CNBD1: variants seen among roughly 807,000 people sequenced by gnomAD.
CNBD1 encodes cyclic nucleotide-binding domain-containing protein 1.
In CNBD1, 71 loss-of-function variants were observed where a neutral mutation model predicts 54.4. The observed-to-expected ratio is 1.30, with a 90% CI of 1.08 to 1.59. The LOEUF is 1.59. Among genes scored for constraint, CNBD1 ranks in the 40% most tolerant of loss-of-function variants. The pLI, the probability that CNBD1 is intolerant of heterozygous loss-of-function variation, is 0.00. For synonymous variants in CNBD1, 182 were observed against 170.7 expected, an observed-to-expected ratio of 1.07 and a Z score of -0.51; for missense variants, 659 against 518.0, an observed-to-expected ratio of 1.27 and a Z score of -2.64.
At chr8:87,252,552 G>A (rs1262941068) in intron 6 of CNBD1, among the ~76,000 whole-genome samples, 3 of 152,132 alleles carry the variant, frequency 2.0e-5, no homozygotes, top group Non-Finnish European at 4.4e-5. Context: ...CCTTAAGGAA[G>A]CACTTGAGCT....
intron 10 of CNBD1, among the ~76,000 whole-genome samples, chr8:87,370,561 T>G (rs964896685): frequency 2.0e-5 from 3 of 152,272 alleles, no homozygotes; most frequent in Admixed American, 6.5e-5. Flanking sequence ...TTTGCCCACT[T>G]TTTGATGGGG....
chr8:86,871,684 A>G (rs984779476), intron 1 of CNBD1, among the ~76,000 whole-genome samples: 2 of 152,218 alleles, frequency 1.3e-5, no homozygotes, highest in Non-Finnish European at 2.9e-5. Flanking sequence ...TTCAAAGGTT[A>G]AACATTCAGA....
At chr8:87,290,445 A>T (rs574421828) in intron 8 of CNBD1, among the ~76,000 whole-genome samples, 1 of 152,206 alleles carries the variant, frequency 6.6e-6, no homozygotes, top group Admixed American at 6.6e-5. Flanking sequence ...TTATAGATCC[A>T]ACAACATTAT....
At chr8:87,400,643 C>A (rs568238203) in intron 2 of CNBD1, among the ~76,000 whole-genome samples, 2 of 151,950 alleles carry the variant, frequency 1.3e-5, no homozygotes, top group South Asian at 4.2e-4. Context: ...AAATTGACTA[C>A]AAGATTGATA....
chr8:86,990,328 T>C (rs1364181636), intron 4 of CNBD1, among the ~76,000 whole-genome samples: 4 of 152,220 alleles, frequency 2.6e-5, no homozygotes, highest in African/African-American at 7.2e-5. Flanking sequence ...CCATGGTTTA[T>C]GTTCTTAGAT....
At chr8:87,321,301 T>C (rs897338328) in intron 8 of CNBD1, among the ~76,000 whole-genome samples, 5 of 152,220 alleles carry the variant, frequency 3.3e-5, no homozygotes, top group Non-Finnish European at 2.9e-5. Flanking sequence ...ACCAACAGTA[T>C]GCACGAGTTT....
intron 4 of CNBD1, among the ~76,000 whole-genome samples, chr8:87,060,487 T>G (rs1376738329): frequency 6.6e-6 from 1 of 152,208 alleles, no homozygotes; most frequent in Non-Finnish European, 1.5e-5. Flanking sequence ...ACAAATTACA[T>G]TTAAGTATCC....
intron 2 of CNBD1, among the ~76,000 whole-genome samples, chr8:87,387,884 A>G (rs1272195213): frequency 6.6e-6 from 1 of 152,240 alleles, no homozygotes; most frequent in Non-Finnish European, 1.5e-5. Context: ...AGTGTAGAAA[A>G]TAGAAATTAT....
intron 10 of CNBD1, among the ~76,000 whole-genome samples, chr8:87,355,412 C>G (rs978886217): frequency 1.3e-5 from 2 of 152,004 alleles, no homozygotes; most frequent in Non-Finnish European, 2.9e-5. Context: ...TAAGATCAAG[C>G]ATATATGAAA....
chr8:87,375,798 T>G (rs999027301), intron 10 of CNBD1, among the ~76,000 whole-genome samples: 4 of 151,906 alleles, frequency 2.6e-5, no homozygotes, highest in African/African-American at 9.7e-5. Flanking sequence ...TCAAGTTCTT[T>G]TGCAAAGGTA....
intron 4 of CNBD1, among the ~76,000 whole-genome samples, chr8:87,034,370 A>G (rs1172706460): frequency 6.6e-6 from 1 of 152,356 alleles, no homozygotes; most frequent in South Asian, 2.1e-4. Context: ...AGAACTGCTC[A>G]TGAGGCAATG....
intron 5 of CNBD1, among the ~76,000 whole-genome samples, chr8:87,212,580 G>A (rs1814123237): frequency 6.6e-6 from 1 of 152,008 alleles, no homozygotes; most frequent in African/African-American, 2.4e-5. Context: ...TTTTAGACAA[G>A]GTTACTAAGA....
At chr8:87,322,129 G>A (rs1461856532) in intron 8 of CNBD1, among the ~76,000 whole-genome samples, 1 of 121,214 alleles carries the variant, frequency 8.2e-6, no homozygotes, top group Admixed American at 7.9e-5. Flanking sequence ...CAAAGGACAT[G>A]AACTCATCAT....
At chr8:87,372,956 C>A (rs111470255) in intron 10 of CNBD1, among the ~76,000 whole-genome samples, 2,866 of 151,566 alleles carry the variant, frequency 0.019, 92 homozygotes, top group African/African-American at 0.063. Flanking sequence ...TTTTTTTCTT[C>A]CTGTTTCTGT....
chr8:87,358,742 G>A (rs894543738), intron 10 of CNBD1, among the ~76,000 whole-genome samples: 2 of 152,144 alleles, frequency 1.3e-5, no homozygotes, highest in African/African-American at 4.8e-5. Context: ...GGGGAACTGA[G>A]GGTGTAACTC....
At chr8:86,875,879 T>C (rs1338481524) in intron 1 of CNBD1, among the ~76,000 whole-genome samples, 2 of 152,234 alleles carry the variant, frequency 1.3e-5, no homozygotes, top group East Asian at 1.9e-4. Flanking sequence ...TATTCTCTAA[T>C]TGAATTTTCT....
intron 4 of CNBD1, among the ~76,000 whole-genome samples, chr8:87,035,526 G>A (rs911210862): frequency 5.9e-5 from 9 of 152,036 alleles, no homozygotes; most frequent in Admixed American, 1.3e-4. Flanking sequence ...AATGTAAAAC[G>A]GTAGTACAAG....
intron 4 of CNBD1, among the ~76,000 whole-genome samples, chr8:87,116,184 T>G (rs1185376647): frequency 1.3e-5 from 2 of 150,520 alleles, no homozygotes; most frequent in African/African-American, 4.9e-5. Flanking sequence ...TATTTTATTC[T>G]ATTCTCATGT....
chr8:87,261,369 A>G (rs1296314093), intron 6 of CNBD1, among the ~76,000 whole-genome samples: 1 of 151,992 alleles, frequency 6.6e-6, no homozygotes, highest in Non-Finnish European at 1.5e-5. Context: ...TTTGGATCCC[A>G]CTTCTGACAC....
Sources: gnomAD v4.1 joint callset for allele counts (sites outside exome capture counted in the v4.1 genomes callset) on GRCh38, gnomAD v4.1.1 for gene constraint, MANE v1.5 for transcripts, NCBI Gene and HGNC (gene_info 2026-07-23, HGNC 2026-07-21) for gene names.